GALNT13: variants seen among roughly 807,000 people sequenced by gnomAD.
GALNT13 encodes UDP-GalNAc:polypeptide N-acetylgalactosaminyltransferase 13.
A neutral mutation model predicts 64.2 loss-of-function variants in GALNT13; 28 were observed. The observed-to-expected ratio is 0.44, with a 90% CI of 0.32 to 0.60. The LOEUF is 0.60. Among genes scored for constraint, GALNT13 ranks in the 20% least tolerant of loss-of-function variants. GALNT13 has a pLI of 0.05. For synonymous variants in GALNT13, 214 were observed against 224.6 expected (o/e 0.95, Z 0.42); for missense variants, 577 against 669.8 (o/e 0.86, Z 1.53).
chr2:154,318,034 G>A (rs992096413), intron 9 of GALNT13, among the ~76,000 whole-genome samples: 4 of 151,954 alleles, frequency 2.6e-5, no homozygotes, highest in Admixed American at 1.3e-4. Context: ...CAAGACAAAT[G>A]CCTTTCTTTA....
At chr2:153,883,318 C>A (rs1164624355) in intron 1 of GALNT13, among the ~76,000 whole-genome samples, 1 of 151,548 alleles carries the variant, frequency 6.6e-6, no homozygotes, top group Non-Finnish European at 1.5e-5. Context: ...GCATGACTTC[C>A]TAATTGGACG....
At chr2:153,776,735 C>T in the GALNT13 span, among the ~76,000 whole-genome samples, 1 of 152,200 alleles carries the variant, frequency 6.6e-6, no homozygotes, top group East Asian at 1.9e-4. Context: ...AGCTTCTCTT[C>T]TCTGTGCAGC....
chr2:153,801,153 C>T, the GALNT13 span, among the ~76,000 whole-genome samples: 1 of 152,124 alleles, frequency 6.6e-6, no homozygotes, highest in Admixed American at 6.6e-5. Flanking sequence ...GTTTGATCTT[C>T]TGTCCAGATC....
intron 3 of GALNT13, among the ~76,000 whole-genome samples, chr2:154,108,264 A>T (rs1404360096): frequency 6.6e-6 from 1 of 151,720 alleles, no homozygotes; most frequent in African/African-American, 2.4e-5. Flanking sequence ...ACAACCCTGC[A>T]ACACTTGTTA....
the GALNT13 span, among the ~76,000 whole-genome samples, chr2:153,415,319 C>A: frequency 6.6e-6 from 1 of 152,128 alleles, no homozygotes; most frequent in Non-Finnish European, 1.5e-5. Context: ...TAGTTCACAA[C>A]CTCTGATAAA....
the GALNT13 span, among the ~76,000 whole-genome samples, chr2:153,835,183 T>A: frequency 7.2e-5 from 11 of 152,056 alleles, no homozygotes; most frequent in African/African-American, 2.2e-4. Context: ...ATGGATTTTT[T>A]AAATATATAT....
chr2:153,573,743 C>G, the GALNT13 span, among the ~76,000 whole-genome samples: 73 of 152,148 alleles, frequency 4.8e-4, 1 homozygote, highest in African/African-American at 1.7e-3. Context: ...GCCTTAATTT[C>G]ATCCCCCCAC....
At chr2:153,731,072 ATGTGTG>A in the GALNT13 span, among the ~76,000 whole-genome samples, 1 of 150,876 alleles carries the variant, frequency 6.6e-6, no homozygotes, top group African/African-American at 2.4e-5. Flanking sequence ...ATATATATAT[ATGTGTG>A]TGTGTGTGTC....
At chr2:153,693,001 C>T in the GALNT13 span, among the ~76,000 whole-genome samples, 1 of 152,068 alleles carries the variant, frequency 6.6e-6, no homozygotes, top group African/African-American at 2.4e-5. Flanking sequence ...TAAAAAAAGG[C>T]TCAAATCTTT....
At chr2:153,211,414 A>G in the GALNT13 span, among the ~76,000 whole-genome samples, 1 of 152,170 alleles carries the variant, frequency 6.6e-6, no homozygotes, top group African/African-American at 2.4e-5. Context: ...AAGTGCTAGG[A>G]TTACAGGTGT....
chr2:153,152,264 T>C, the GALNT13 span, among the ~76,000 whole-genome samples: 1 of 152,018 alleles, frequency 6.6e-6, no homozygotes, highest in Non-Finnish European at 1.5e-5. Flanking sequence ...AAAACAACTT[T>C]GTCCCAGGGA....
At chr2:153,754,081 G>C in the GALNT13 span, among the ~76,000 whole-genome samples, 1 of 151,190 alleles carries the variant, frequency 6.6e-6, no homozygotes, top group South Asian at 2.1e-4. Context: ...CTGGTGGCTG[G>C]GACACTCCCT....
chr2:153,601,593 A>G, the GALNT13 span, among the ~76,000 whole-genome samples: 1 of 151,476 alleles, frequency 6.6e-6, no homozygotes, highest in South Asian at 2.1e-4. Flanking sequence ...AACTCTTTTC[A>G]TTTCCACATG....
chr2:153,617,434 C>A, the GALNT13 span, among the ~76,000 whole-genome samples: 1 of 151,838 alleles, frequency 6.6e-6, no homozygotes, highest in Non-Finnish European at 1.5e-5. Context: ...GATAAATGTT[C>A]TTTTAATGTA....
intron 9 of GALNT13, among the ~76,000 whole-genome samples, chr2:154,376,225 A>G (rs1488685887): frequency 1.3e-5 from 2 of 152,148 alleles, no homozygotes; most frequent in Non-Finnish European, 2.9e-5. Context: ...TTTCTTTTCT[A>G]AAAATTGTAT....
the GALNT13 span, among the ~76,000 whole-genome samples, chr2:153,655,267 A>G: frequency 5.9e-5 from 9 of 152,222 alleles, no homozygotes; most frequent in Admixed American, 1.3e-4. Context: ...CTGTGTTTTC[A>G]TTGATAGAAT....
chr2:153,813,356 A>G, the GALNT13 span, among the ~76,000 whole-genome samples: 3,444 of 152,304 alleles, frequency 0.023, 64 homozygotes, highest in Non-Finnish European at 0.036. Context: ...AGTATATATT[A>G]AATATTGCTA....
the GALNT13 span, among the ~76,000 whole-genome samples, chr2:153,338,083 G>A: frequency 6.6e-6 from 1 of 151,976 alleles, no homozygotes; most frequent in African/African-American, 2.4e-5. Context: ...TTCAGGTCAG[G>A]AGTTCAAGAC....
At chr2:153,869,397 A>ATC (rs1685813219), upstream of GALNT13, among the ~76,000 whole-genome samples, 1 of 152,156 alleles carries the variant, frequency 6.6e-6, no homozygotes, top group Non-Finnish European at 1.5e-5. Context: ...TGGTTTTTAA[A>ATC]TCTCCATTAG....
Sources: gnomAD v4.1 joint callset for allele counts (sites outside exome capture counted in the v4.1 genomes callset) on GRCh38, gnomAD v4.1.1 for gene constraint, MANE v1.5 for transcripts, NCBI Gene and HGNC (gene_info 2026-07-23, HGNC 2026-07-21) for gene names.